Variants in DDX27 observed in about 807,000 individuals in gnomAD.
DDX27 encodes the protein DEAD-box helicase 27, also known as probable ATP-dependent RNA helicase DDX27.
A neutral mutation model predicts 99.3 loss-of-function variants in DDX27; 42 were observed. The observed-to-expected ratio is 0.42, with a 90% CI of 0.33 to 0.55. DDX27 has a LOEUF of 0.55. DDX27 is among the 20% of genes least tolerant of loss of function. The pLI is 0.07. For synonymous variants in DDX27, 329 were observed against 353.8 expected, an observed-to-expected ratio of 0.93 and a Z score of 0.79; for missense variants, 798 against 976.8, an observed-to-expected ratio of 0.82 and a Z score of 2.44.
chr20:49,236,048 C>T lies in DDX27; in HGVS notation c.1428-102C>T. 8 of 1,154,490 alleles carry T rather than the reference C, an allele frequency of 6.9e-6. No homozygotes were observed. Among genetic ancestry groups the T allele is most frequent in the Non-Finnish European group, 9.9e-6 (8 of 812,006 alleles). The allele number at this position is 1,154,490 out of a possible 1,614,324, so 71.5% of individuals were successfully genotyped here. A position where few individuals can be genotyped will look rare whatever the true frequency, so the allele number is the denominator to read the frequency against. On this transcript the variant is annotated intron_variant, in intron 12 of 20. Coordinates refer to ENST00000618172, the MANE Select transcript of DDX27 (RefSeq NM_017895.8). This position sits in a 1 kb window ranked among gnomAD's most constrained non-coding sequence, Gnocchi z 4.1. ...GTGAGCCACCGTGCCCAGCCTCTATCCCCATTTTAATGCCCTGTTCTGTCC... is the reference window on the plus strand; with the variant it reads ...GTGAGCCACCGTGCCCAGCCTCTATTCCCATTTTAATGCCCTGTTCTGTCC...
At chr20:49,241,451 G>A (rs927516161) in intron 16 of DDX27, among the ~76,000 whole-genome samples, 7 of 152,004 alleles carry the variant, frequency 4.6e-5, no homozygotes, top group Non-Finnish European at 8.8e-5. Context: ...GGTAATCAGT[G>A]GAAGAAGTGC....
At chr20:49,227,096 T>C (rs918586737) in intron 7 of DDX27, among the ~76,000 whole-genome samples, 6 of 149,858 alleles carry the variant, frequency 4.0e-5, no homozygotes, top group Non-Finnish European at 7.4e-5. Context: ...TCTCCTGACC[T>C]CGTGATCCGC....
chr20:49,225,256 C>A, intron 6 of DDX27, 57 bp downstream of exon 6: 1 of 1,379,008 alleles, frequency 7.3e-7, no homozygotes, highest in Non-Finnish European at 1.0e-6. Flanking sequence ...CTATGTTGTC[C>A]AAGATGGTCT....
Position 49,235,024 on chromosome 20 carries a change from A to G in DDX27, c.1363A>G (p.Met455Val). 6.2e-7 allele frequency: 1 copy of G among 1,613,610 alleles called. No homozygotes were observed. The highest frequency in any genetic ancestry group is 8.5e-7 in the Non-Finnish European group (1 of 1,179,786). ...AHRMHILLGLMGLQVGELHGN... is the reference protein window; with the variant it reads ...AHRMHILLGLVGLQVGELHGN... ...CCGCATGCACATCCTCCTGGGGCTC[A>G]TGGGGCTGCAGGTGGGTGAGCTCCA... The change falls in exon 12 of 21, where the codon ATG becomes GTG. Residue 455 changes from methionine to valine, a missense_variant. Around this residue, in one of 2 missense-constraint regions of DDX27, gnomAD observed 553 missense variants for 727.9 expected, o/e 0.76. Transcript: ENST00000618172.
chr20:49,221,486 T>C lies in DDX27; in HGVS notation c.128T>C (p.Leu43Ser). The C allele has an allele frequency of 1.2e-6, 2 of 1,613,742 alleles. No homozygotes were observed. Among genetic ancestry groups the C allele is most frequent in the Non-Finnish European group, 1.7e-6 (2 of 1,180,016 alleles). Reference sequence around the variant, plus strand: ...GTGCTGGGCAGACGACAAAAAGCTTTGGGGAAGAACCGCAGTGCTGATTTC... The same window carrying C: ...GTGCTGGGCAGACGACAAAAAGCTTCGGGGAAGAACCGCAGTGCTGATTTC... ...PIVLGRRQKALGKNRSADFNP... is the reference protein window; with the variant it reads ...PIVLGRRQKASGKNRSADFNP... The change falls in exon 2 of 21, where the codon TTG becomes TCG. Residue 43 changes from leucine (L) to serine (S), a missense_variant. By Grantham distance (145) the Leu-to-Ser change is moderately radical. Transcript: ENST00000618172.
At chr20:49,235,372 T>C (rs1980268367) in intron 12 of DDX27, 3 of 324,314 alleles carry the variant, frequency 9.3e-6, no homozygotes, top group Non-Finnish European at 1.7e-5. Flanking sequence ...AGGCAACACA[T>C]GGTCTCTTCT....
At position 49,223,530 on chromosome 20, in the gene DDX27, A is replaced by G. The variant is rs1979769372; in HGVS notation, c.466+97A>G. On this transcript the variant is annotated intron_variant, in intron 4 of 20. Coordinates refer to ENST00000618172, the MANE Select transcript of DDX27 (RefSeq NM_017895.8). ...TTTCCTCCACTCTTCTGCACAGTTT[A>G]TCTTTAAGCTGTTCTGCCTACTACA... The G allele has an allele frequency of 2.6e-6, 3 of 1,170,654 alleles. No individual in the cohort carries two copies. The South Asian group carries it at 4.9e-5, about 19-fold the overall frequency. 72.5% of individuals were successfully genotyped at this position (1,170,654 alleles called of 1,614,324 possible).
chr20:49,223,052 C>G (rs1339937364), intron 3 of DDX27, 36 bp downstream of exon 3: 1 of 1,584,664 alleles, frequency 6.3e-7, no homozygotes, highest in Non-Finnish European at 8.7e-7. Flanking sequence ...GTTGTTAGGG[C>G]CCACTCTTTA....
chr20:49,224,204 C>T (rs765578248), intron 4 of DDX27, among the ~76,000 whole-genome samples: 2 of 152,008 alleles, frequency 1.3e-5, no homozygotes, highest in Non-Finnish European at 2.9e-5. Flanking sequence ...TTTCTTTTCT[C>T]TTGGGATTTT....
intron 6 of DDX27, among the ~76,000 whole-genome samples, chr20:49,225,896 C>T (rs778681399): frequency 9.9e-5 from 15 of 152,118 alleles, no homozygotes; most frequent in Non-Finnish European, 1.9e-4. Flanking sequence ...CCCTCTCTGA[C>T]GACACCTCCT....
intron 14 of DDX27, 63 bp from the exon 15 acceptor site, chr20:49,238,886 G>A: frequency 2.4e-6 from 3 of 1,239,236 alleles, no homozygotes; most frequent in Non-Finnish European, 3.5e-6. Context: ...CCGGGTTACA[G>A]GTGTGAGCCA....
Position 49,222,939 on chromosome 20 carries a change from CTTTATT to C in DDX27, c.241-12_241-7del. The C allele has an allele frequency of 6.3e-7, 1 of 1,586,648 alleles. No homozygotes were observed. Among genetic ancestry groups the C allele is most frequent in the Non-Finnish European group, 8.5e-7 (1 of 1,169,594 alleles). On this transcript the variant is annotated splice_polypyrimidine_tract_variant and intron_variant, in intron 2 of 20. Coordinates refer to ENST00000618172, the MANE Select transcript of DDX27 (RefSeq NM_017895.8). ...TTCAATGAAAATTTCTTTTTCACCT[CTTTATT>C]TTTATCTGCAGAGGGCAGCCACTAC...
At position 49,224,820 on chromosome 20, in the gene DDX27, A is replaced by G. The variant is rs1600964665; in HGVS notation, c.467-125A>G. On this transcript the variant is annotated intron_variant, in intron 4 of 20. Coordinates refer to ENST00000618172, the MANE Select transcript of DDX27 (RefSeq NM_017895.8). ...GCCACAAAGTGTCCTCATCTGTGAA[A>G]CAAGGTTGACGATGGTCACCCCTCA... The G allele has an allele frequency of 6.9e-6, 7 of 1,014,634 alleles. No individual in the cohort carries two copies. The East Asian group carries it at 1.7e-4, about 24-fold the overall frequency. 62.9% of individuals were successfully genotyped at this position (1,014,634 alleles called of 1,614,324 possible). A position where few individuals can be genotyped will look rare whatever the true frequency, so the allele number is the denominator to read the frequency against.
At position 49,243,618 on chromosome 20, in the gene DDX27, TTC is replaced by T; in HGVS notation, c.2205-6_2205-5del. On this transcript the variant is annotated splice_polypyrimidine_tract_variant and intron_variant, in intron 19 of 20. Coordinates refer to ENST00000618172, the MANE Select transcript of DDX27 (RefSeq NM_017895.8). The stretch of plus-strand genomic sequence containing the variant: ...AGTTTGCTCATTTCAGCATGTCATC[TTC>T]TCTCACAGCCCTTCCTTTGAAGAAA... The T allele has an allele frequency of 6.2e-7, 1 of 1,614,010 alleles. No individual in the cohort carries two copies. Among genetic ancestry groups the T allele is most frequent in the Non-Finnish European group, 8.5e-7 (1 of 1,179,894 alleles).
At chr20:49,225,453 CTTTT>C (rs772387461) in intron 6 of DDX27, among the ~76,000 whole-genome samples, 1 of 107,298 alleles carries the variant, frequency 9.3e-6, no homozygotes, top group East Asian at 2.7e-4. Context: ...AGAGAACTCC[CTTTT>C]TTTTTTTTTT....
At position 49,239,312 on chromosome 20, in the gene DDX27, C is replaced by G. The variant is rs1200737211; in HGVS notation, c.1871C>G (p.Thr624Ser). The G allele has an allele frequency of 6.2e-7, 1 of 1,612,264 alleles. No individual in the cohort carries two copies. Among genetic ancestry groups the G allele is most frequent in the Non-Finnish European group, 8.5e-7 (1 of 1,178,866 alleles). The part of the protein sequence containing the change: ...VQEPERSWFQ[T>S]KEERKKEKIA... ...GAGCCCGAGAGGAGCTGGTTCCAGA[C>G]CAAAGAAGAGAGGAAGAAGGAGAAA... Residue 624 changes from threonine to serine, a missense_variant, in exon 16 of 21, where the codon ACC becomes AGC. Thr to Ser is a moderately conservative substitution (Grantham distance 58). Around this residue, in one of 2 missense-constraint regions of DDX27, gnomAD observed 553 missense variants for 727.9 expected, o/e 0.76. Coordinates refer to ENST00000618172, the MANE Select transcript of DDX27 (RefSeq NM_017895.8).
At chr20:49,228,616 T>G in intron 7 of DDX27, 99 bp from the exon 8 acceptor site, 1 of 1,179,872 alleles carries the variant, frequency 8.5e-7, no homozygotes, top group Non-Finnish European at 1.2e-6. Flanking sequence ...TTCCTTTATT[T>G]TCCCCAACCA....
At chr20:49,225,604 C>T (rs755755439) in intron 6 of DDX27, among the ~76,000 whole-genome samples, 6 of 151,978 alleles carry the variant, frequency 3.9e-5, no homozygotes, top group Non-Finnish European at 5.9e-5. Context: ...TACAGGCACA[C>T]GCTGCCACGC....
chr20:49,233,820 C>T (rs1195298069), intron 11 of DDX27, 111 bp downstream of exon 11: 2 of 1,268,220 alleles, frequency 1.6e-6, no homozygotes, highest in African/African-American at 2.9e-5. Context: ...CCAGTCTTCC[C>T]CAGCGCAGAG....
Sources: allele counts gnomAD v4.1 joint callset (sites outside exome capture counted in the v4.1 genomes callset), GRCh38; gene constraint gnomAD v4.1.1; regional missense constraint gnomAD v4.1.1; non-coding constraint Gnocchi (gnomAD v3.1); transcripts MANE v1.5; gene names NCBI Gene and HGNC (gene_info 2026-07-23, HGNC 2026-07-21).